CELF2: variants seen among roughly 807,000 people sequenced by gnomAD.
CELF2 encodes the protein CUG triplet repeat RNA-binding protein 2.
CELF2 carries 8 observed loss-of-function variants against 62.6 expected under a neutral mutation model. The ratio of observed to expected loss-of-function variants is 0.13; its 90% CI spans 0.07 to 0.23. The LOEUF (loss-of-function observed/expected upper bound fraction) is 0.23, where lower values mean the gene tolerates loss of function less well. CELF2 is among the 10% of genes least tolerant of loss of function. The probability of loss-of-function intolerance (pLI) is 1.00; values close to 1 mark genes in which losing one functional copy is unlikely to be tolerated. For synonymous variants in CELF2, 258 were observed against 250.0 expected (o/e 1.03, Z -0.30); for missense variants, 333 against 671.0 (o/e 0.50, Z 5.56).
chr10:10,995,132 T>C lies in CELF2; in HGVS notation c.89+75133T>C, dbSNP rs2053822927. On this transcript the variant is annotated intron_variant, in intron 2 of 13. Coordinates refer to the CELF2 transcript ENST00000636488. The surrounding 1 kb of genome is among the most constrained non-coding windows in gnomAD (Gnocchi z 4.7). ...TGTGTCTTTCTAACTTGGTTATAAG[T>C]TCCTTAAGGGCAGGAGCTATGCCCC... Among the ~76,000 whole-genome samples the C allele has an allele frequency of 6.6e-6, 1 of 152,204 alleles. No homozygotes were observed. The highest frequency in any genetic ancestry group is 1.5e-5 in the Non-Finnish European group (1 of 68,032).
At chr10:10,785,430 C>T in the CELF2 span, among the ~76,000 whole-genome samples, 2 of 152,170 alleles carry the variant, frequency 1.3e-5, no homozygotes, top group Non-Finnish European at 2.9e-5. Context: ...CTCCCATGTT[C>T]ATTTCAGCTC....
rs10508421 is a variant in CELF2 at position 11,321,772 on chromosome 10, T to C, written c.1294+386T>C. ...AGTTACCTTCTAATTTAATTTTTCA[T>C]CGATCTCTTCAGATGAAGTTCTTGT... On this transcript the variant is annotated intron_variant, in intron 11 of 12. Coordinates refer to ENST00000633077, the MANE Select transcript of CELF2 (RefSeq NM_001326342.2). This position sits in a 1 kb window ranked among gnomAD's most constrained non-coding sequence, Gnocchi z 6.2. 0.077 allele frequency among the ~76,000 whole-genome samples: 11,774 copies of C among 152,296 alleles called. 602 individuals carry two copies. The highest frequency in any genetic ancestry group is 0.11 in the Non-Finnish European group (7,603 of 68,016).
At chr10:10,664,517 G>A in the CELF2 span, among the ~76,000 whole-genome samples, 3 of 152,094 alleles carry the variant, frequency 2.0e-5, no homozygotes, top group African/African-American at 7.2e-5. Context: ...ATTTGCAAAG[G>A]AACAAACAAA....
chr10:10,775,956 G>A, the CELF2 span, among the ~76,000 whole-genome samples: 2 of 152,166 alleles, frequency 1.3e-5, no homozygotes, highest in African/African-American at 4.8e-5. Context: ...CCCTCACTGT[G>A]CTGCCTTGTC....
rs914397261 is a variant in CELF2, at chr10:11,211,587, G to A, written c.272-5838G>A. On this transcript the variant is annotated intron_variant, in intron 2 of 12. Coordinates refer to ENST00000633077, the MANE Select transcript of CELF2 (RefSeq NM_001326342.2). The surrounding 1 kb of genome is among the most constrained non-coding windows in gnomAD (Gnocchi z 4.8). ...ATCAGTACATTTTTTTTTCCTGTGA[G>A]TATTATTACCCAGAGTTTCCAAGTA... 2.0e-5 allele frequency among the ~76,000 whole-genome samples: 3 copies of A among 151,974 alleles called. No individual in the cohort carries two copies. Among genetic ancestry groups the A allele is most frequent in the Non-Finnish European group, 4.4e-5 (3 of 68,002 alleles).
the CELF2 span, among the ~76,000 whole-genome samples, chr10:10,714,926 A>G: frequency 6.6e-6 from 1 of 152,262 alleles, no homozygotes; most frequent in South Asian, 2.1e-4. Flanking sequence ...TTACAAAGGC[A>G]TTTTACTTCC....
intron 1 of CELF2, among the ~76,000 whole-genome samples, chr10:10,895,100 G>A (rs2062447214): frequency 6.6e-6 from 1 of 152,144 alleles, no homozygotes; most frequent in African/African-American, 2.4e-5. Context: ...AGGTGCAAAG[G>A]TGACATAACC....
At chr10:11,194,829 G>A (rs546169124) in intron 2 of CELF2, among the ~76,000 whole-genome samples, 1 of 152,308 alleles carries the variant, frequency 6.6e-6, no homozygotes, top group South Asian at 2.1e-4. Context: ...TTTATTTGCT[G>A]TTTCACAGAA....
At chr10:10,647,241 T>A in the CELF2 span, among the ~76,000 whole-genome samples, 1 of 152,162 alleles carries the variant, frequency 6.6e-6, no homozygotes, top group African/African-American at 2.4e-5. Flanking sequence ...ACCCTACACC[T>A]GCTTCAGGAC....
At chr10:10,827,987 G>A (rs2057531193) in intron 1 of CELF2, among the ~76,000 whole-genome samples, 1 of 126,706 alleles carries the variant, frequency 7.9e-6, no homozygotes, top group Non-Finnish European at 1.6e-5. Flanking sequence ...ATACCCGTCA[G>A]GAAGGCTAGT....
intron 1 of CELF2, among the ~76,000 whole-genome samples, chr10:11,026,518 G>A (rs2059236454): frequency 6.6e-6 from 1 of 152,172 alleles, no homozygotes; most frequent in South Asian, 2.1e-4. Context: ...AAAGTGTGAA[G>A]ACAGAAAGCA....
intron 2 of CELF2, among the ~76,000 whole-genome samples, chr10:10,949,799 G>T (rs1187399328): frequency 2.5e-5 from 3 of 120,140 alleles, no homozygotes; most frequent in African/African-American, 3.4e-5. Flanking sequence ...AGACTGTGTC[G>T]CAAAACAAAA....
At chr10:11,154,895 T>C (rs2064014778) in intron 1 of CELF2, among the ~76,000 whole-genome samples, 1 of 152,054 alleles carries the variant, frequency 6.6e-6, no homozygotes, top group Non-Finnish European at 1.5e-5. Context: ...CAATCACAGG[T>C]AGGGAAAAAC....
At chr10:10,994,011 A>G (rs1406705515) in intron 2 of CELF2, among the ~76,000 whole-genome samples, 7 of 152,232 alleles carry the variant, frequency 4.6e-5, no homozygotes, top group Non-Finnish European at 1.0e-4. Context: ...TCCAGCCTCC[A>G]GAACTGTGAG....
rs1341008009 is a variant in CELF2 at position 11,315,996 on chromosome 10, T to C, written c.1096+1738T>C. ...CTCCTCAGCACGTGCTCATGACTGG[T>C]GTGTGTGTGTCCTCTCGTCTGCGTC... On this transcript the variant is annotated intron_variant, in intron 10 of 12. Transcript: ENST00000633077. This position sits in a 1 kb window ranked among gnomAD's most constrained non-coding sequence, Gnocchi z 5.8. 6.6e-6 allele frequency among the ~76,000 whole-genome samples: 1 copy of C among 152,100 alleles called. No individual in the cohort carries two copies. Among genetic ancestry groups the C allele is most frequent in the African/African-American group, 2.4e-5 (1 of 41,418 alleles).
At chr10:10,852,351 CT>C (rs1240978059) in intron 1 of CELF2, among the ~76,000 whole-genome samples, 1 of 152,174 alleles carries the variant, frequency 6.6e-6, no homozygotes, top group African/African-American at 2.4e-5. Flanking sequence ...CAAAGGGTTA[CT>C]TGCTATATGA....
the CELF2 span, among the ~76,000 whole-genome samples, chr10:10,509,534 T>C: frequency 6.6e-6 from 1 of 152,184 alleles, no homozygotes; most frequent in Non-Finnish European, 1.5e-5. Flanking sequence ...TTCCCAGCCT[T>C]CAGAACTATG....
chr10:10,910,945 C>T (rs555156942), intron 1 of CELF2, among the ~76,000 whole-genome samples: 2 of 152,206 alleles, frequency 1.3e-5, no homozygotes, highest in East Asian at 1.9e-4. Flanking sequence ...TACTAACAGC[C>T]GAGTCAGGTA....
intron 1 of CELF2, among the ~76,000 whole-genome samples, chr10:10,817,462 C>T (rs565331284): frequency 3.9e-5 from 6 of 152,136 alleles, no homozygotes; most frequent in Non-Finnish European, 8.8e-5. Context: ...CCCAGCTTCC[C>T]CCAACCCCCG....
Sources: allele counts gnomAD v4.1 joint callset (sites outside exome capture counted in the v4.1 genomes callset), GRCh38; gene constraint gnomAD v4.1.1; non-coding constraint Gnocchi (gnomAD v3.1); transcripts MANE v1.5; gene names NCBI Gene and HGNC (gene_info 2026-07-23, HGNC 2026-07-21).